The following LRRC37A2 variants were observed in gnomAD, a reference collection of about 807,000 sequenced individuals.
LRRC37A2 encodes leucine rich repeat containing 37 member A2, also known as leucine-rich repeat-containing protein 37A2.
In LRRC37A2, 9 loss-of-function variants were observed where a neutral mutation model predicts 68.8. That is an observed-to-expected ratio of 0.13 (90% confidence interval 0.08 to 0.23). The LOEUF (loss-of-function observed/expected upper bound fraction) is 0.23, where lower values mean the gene tolerates loss of function less well. Among genes scored for constraint, LRRC37A2 ranks in the 10% least tolerant of loss-of-function variants. LRRC37A2 has a pLI of 1.00. For synonymous variants in LRRC37A2, 63 were observed against 367.6 expected, an observed-to-expected ratio of 0.17 and a Z score of 9.48; for missense variants, 168 against 950.4, an observed-to-expected ratio of 0.18 and a Z score of 10.82.
the LRRC37A2 span, among the ~76,000 whole-genome samples, chr17:46,865,097 C>T: frequency 1.8e-4 from 28 of 152,316 alleles, no homozygotes; most frequent in African/African-American, 6.0e-4. Context: ...CTGATGCATA[C>T]GTGCCAGGGA....
chr17:46,946,047 A>C, the LRRC37A2 span, among the ~76,000 whole-genome samples: 2 of 152,110 alleles, frequency 1.3e-5, no homozygotes, highest in Non-Finnish European at 2.9e-5. Flanking sequence ...CGGGGCCTCC[A>C]GGGCTGAATT....
chr17:47,004,474 C>T, the LRRC37A2 span, among the ~76,000 whole-genome samples: 1 of 152,368 alleles, frequency 6.6e-6, no homozygotes, highest in African/African-American at 2.4e-5. Context: ...TGGCACTGCA[C>T]AGTCCCACTG....
the LRRC37A2 span, among the ~76,000 whole-genome samples, chr17:46,987,642 A>T: frequency 6.6e-6 from 1 of 152,154 alleles, no homozygotes; most frequent in Non-Finnish European, 1.5e-5. Flanking sequence ...TACCCAAAGA[A>T]CTGAAAACTG....
At chr17:46,792,507 T>C in the LRRC37A2 span, among the ~76,000 whole-genome samples, 1 of 152,178 alleles carries the variant, frequency 6.6e-6, no homozygotes, top group African/African-American at 2.4e-5. Flanking sequence ...AGAGTCTTGC[T>C]CTGTCACCCA....
chr17:46,981,568 A>G, the LRRC37A2 span, among the ~76,000 whole-genome samples: 4 of 152,216 alleles, frequency 2.6e-5, no homozygotes, highest in East Asian at 7.7e-4. Flanking sequence ...ATTTCTATTT[A>G]TAAATTGCCC....
the LRRC37A2 span, among the ~76,000 whole-genome samples, chr17:46,973,662 C>T: frequency 6.6e-6 from 1 of 152,292 alleles, no homozygotes; most frequent in South Asian, 2.1e-4. Context: ...CCCCGTCTGC[C>T]GAGCTGGGGT....
the LRRC37A2 span, among the ~76,000 whole-genome samples, chr17:46,413,231 C>T: frequency 1.5e-5 from 1 of 64,600 alleles, no homozygotes; most frequent in African/African-American, 4.2e-5. Context: ...GAGTATGAGT[C>T]GTCTTTAGTC....
the LRRC37A2 span, chr17:46,751,541 T>A: frequency 6.2e-7 from 1 of 1,614,098 alleles, no homozygotes; most frequent in African/African-American, 1.3e-5. Flanking sequence ...GCACCACAAT[T>A]GCACAGCAAG....
chr17:46,844,705 T>C, the LRRC37A2 span, among the ~76,000 whole-genome samples: 9 of 152,224 alleles, frequency 5.9e-5, no homozygotes, highest in African/African-American at 2.2e-4. Context: ...ATGTTGAGAA[T>C]GCCTCTGTGC....
chr17:46,936,026 G>C, the LRRC37A2 span: 7 of 985,730 alleles, frequency 7.1e-6, no homozygotes, highest in South Asian at 2.8e-4. Flanking sequence ...CAGGACTTCA[G>C]TACGTTTCTG....
the LRRC37A2 span, among the ~76,000 whole-genome samples, chr17:46,947,229 G>A: frequency 2.6e-5 from 4 of 152,282 alleles, no homozygotes; most frequent in East Asian, 7.7e-4. Flanking sequence ...GTGGCCCCAG[G>A]AGTTACTGCT....
the LRRC37A2 span, among the ~76,000 whole-genome samples, chr17:46,958,162 G>C: frequency 2.6e-5 from 4 of 152,202 alleles, no homozygotes; most frequent in Non-Finnish European, 5.9e-5. Flanking sequence ...CCTCAGAGGA[G>C]CTGGGAATGG....
chr17:46,820,297 C>T, the LRRC37A2 span, among the ~76,000 whole-genome samples: 8 of 152,212 alleles, frequency 5.3e-5, no homozygotes, highest in African/African-American at 1.9e-4. Context: ...GCTGCGTTCC[C>T]AGCCCATTGC....
At chr17:46,493,630 C>T in the LRRC37A2 span, among the ~76,000 whole-genome samples, 12 of 148,546 alleles carry the variant, frequency 8.1e-5, 1 homozygote, top group South Asian at 2.1e-4. Flanking sequence ...CTCCCCCTCC[C>T]GGGTTCACAC....
At chr17:46,720,755 G>A in the LRRC37A2 span, among the ~76,000 whole-genome samples, 34 of 152,220 alleles carry the variant, frequency 2.2e-4, 1 homozygote, top group Middle Eastern at 0.014. Flanking sequence ...GGTACTTCAC[G>A]CCAAGTACTT....
the LRRC37A2 span, among the ~76,000 whole-genome samples, chr17:46,915,223 C>T: frequency 6.6e-6 from 1 of 152,188 alleles, no homozygotes; most frequent in Non-Finnish European, 1.5e-5. Flanking sequence ...TGGCTTTGCC[C>T]ACATGTATGA....
At chr17:47,018,621 G>A in the LRRC37A2 span, 4 of 1,520,396 alleles carry the variant, frequency 2.6e-6, no homozygotes, top group Admixed American at 1.7e-5. Context: ...AGTTCAACAG[G>A]AGACTTCATT....
At chr17:46,456,345 T>C in the LRRC37A2 span, among the ~76,000 whole-genome samples, 624 of 40,560 alleles carry the variant, frequency 0.015, 1 homozygote, top group African/African-American at 0.061. Flanking sequence ...CACAAAGTAT[T>C]GCCCAGGCTG....
chr17:46,974,104 G>A, the LRRC37A2 span, among the ~76,000 whole-genome samples: 1 of 152,238 alleles, frequency 6.6e-6, no homozygotes, highest in Admixed American at 6.5e-5. Flanking sequence ...ACATCTTGCT[G>A]GTGAAGGCAC....
Sources: allele counts gnomAD v4.1 joint callset (sites outside exome capture counted in the v4.1 genomes callset), GRCh38; gene constraint gnomAD v4.1.1; transcripts MANE v1.5; gene names NCBI Gene and HGNC (gene_info 2026-07-23, HGNC 2026-07-21).